Variants in SLC22A13 observed in about 807,000 individuals in gnomAD.
SLC22A13 encodes the protein organic anion transporter 10.
A neutral mutation model predicts 49.1 loss-of-function variants in SLC22A13; 42 were observed. That is an observed-to-expected ratio of 0.85 (90% CI 0.67 to 1.11). The LOEUF is 1.11. SLC22A13 is among the 50% of genes least tolerant of loss of function. The probability of loss-of-function intolerance (pLI) is 0.00; values close to 1 mark genes in which losing one functional copy is unlikely to be tolerated. For missense variants in SLC22A13, 694 were observed against 712.8 expected (o/e 0.97, Z 0.30); for synonymous variants, 282 against 293.1 (o/e 0.96, Z 0.39).
intron 1 of SLC22A13, among the ~76,000 whole-genome samples, chr3:38,272,921 C>T (rs750218483): frequency 1.3e-5 from 2 of 152,216 alleles, no homozygotes; most frequent in Non-Finnish European, 2.9e-5. Flanking sequence ...GATGTCTCAA[C>T]TCTACCAGCT....
chr3:38,276,297 G>C lies in SLC22A13; in HGVS notation c.1248G>C (p.Val416=). 1 of 1,612,722 alleles carries C rather than the reference G, an allele frequency of 6.2e-7. No homozygotes were observed. ...TCTACCCTCTGCCAGATCTGCCCGT[G>C]GTGGTCACCATGCTGGCTGTGGTGG... ...IIIFIPADLP[V]VVTMLAVVGK... The change falls in exon 8 of 10, where the codon GTG becomes GTC. Residue 416 remains valine, a synonymous_variant. Coordinates refer to ENST00000311856, the MANE Select transcript of SLC22A13 (RefSeq NM_004256.4).
At position 38,277,969 on chromosome 3, in the gene SLC22A13, G is replaced by A. The variant is rs1703606865; in HGVS notation, c.*504G>A. 6.5e-6 allele frequency: 1 copy of A among 152,848 alleles called. No individual in the cohort carries two copies. The highest frequency in any genetic ancestry group is 1.5e-5 in the Non-Finnish European group (1 of 68,554). 9.5% of individuals were successfully genotyped at this position (152,848 alleles called of 1,614,324 possible). ...AGGAAGGTTATGATTCCTTCTAGCG[G>A]ATGGACCAGATTCCTCTGGCTAACG... On this transcript the variant is annotated 3_prime_UTR_variant, in exon 10 of 10. Coordinates refer to ENST00000311856, the MANE Select transcript of SLC22A13 (RefSeq NM_004256.4).
rs1358445958 is a variant in SLC22A13, at chr3:38,278,735, G to T, written c.*1270G>T. Among the ~76,000 whole-genome samples, 2 of 149,768 alleles carry T rather than the reference G, an allele frequency of 1.3e-5. No individual in the cohort carries two copies. Among genetic ancestry groups the T allele is most frequent in the Non-Finnish European group, 2.9e-5 (2 of 67,814 alleles). ...CTTGGGAGGCTGAGGCAGGAGAATC[G>T]CTTGAACCTGGGAGGCGGAGTTTGC... On this transcript the variant is annotated 3_prime_UTR_variant, in exon 10 of 10. Coordinates refer to ENST00000311856, the MANE Select transcript of SLC22A13 (RefSeq NM_004256.4).
intron 1 of SLC22A13, among the ~76,000 whole-genome samples, chr3:38,267,763 G>C (rs565872964): frequency 2.6e-5 from 4 of 152,320 alleles, no homozygotes; most frequent in African/African-American, 9.6e-5. Flanking sequence ...GCTTCCTCCT[G>C]GTTCCGGGGG....
In SLC22A13 at chr3:38,277,456, A is replaced by G. The variant is rs200938977; in HGVS notation, c.1647A>G (p.Thr549=). 92 of 1,613,056 alleles carry G rather than the reference A, an allele frequency of 5.7e-5. No individual in the cohort carries two copies. The East Asian group carries it at 1.4e-3, about 24-fold the overall frequency. Reference sequence around the variant, plus strand: ...CGGGAGTGGCCTTTGTGAGCAGCACATACTTCTGATTGAGGTCTCTAAGAG... The same window carrying G: ...CGGGAGTGGCCTTTGTGAGCAGCACGTACTTCTGATTGAGGTCTCTAAGAG... ...SSPGVAFVSS[T]YF Residue 549 remains threonine, a synonymous_variant, in exon 10 of 10, where the codon ACA becomes ACG. Coordinates refer to ENST00000311856, the MANE Select transcript of SLC22A13 (RefSeq NM_004256.4).
At chr3:38,271,950 A>G (rs1251101637) in intron 1 of SLC22A13, among the ~76,000 whole-genome samples, 1 of 152,048 alleles carries the variant, frequency 6.6e-6, no homozygotes, top group African/African-American at 2.4e-5. Context: ...TGCAGACAGA[A>G]CCATCCACTG....
In SLC22A13 at chr3:38,266,255, G is replaced by T. The variant is rs1294737073; in HGVS notation, c.378+17G>T. The T allele has an allele frequency of 6.2e-7, 1 of 1,607,882 alleles. No homozygotes were observed. The highest frequency in any genetic ancestry group is 1.3e-5 in the African/African-American group (1 of 74,856). On this transcript the variant is annotated intron_variant, in intron 1 of 9. Transcript: ENST00000311856. ...AAGAATGAGGTAGGCTTGTCCTTTT[G>T]CTGGTCTCTCCACCGGTTGTGGGTC...
Position 38,277,577 on chromosome 3 carries a change from C to A in SLC22A13, c.*112C>A. 1.4e-6 allele frequency: 1 copy of A among 716,764 alleles called. No homozygotes were observed. The highest frequency in any genetic ancestry group is 2.3e-6 in the Non-Finnish European group (1 of 425,734). 44.4% of individuals were successfully genotyped at this position (716,764 alleles called of 1,614,324 possible). ...GCAAGACCAGCCTTGCTTATGGAGG[C>A]AGGACACCACAATCTGGCCCATGGC... On this transcript the variant is annotated 3_prime_UTR_variant, in exon 10 of 10. Coordinates refer to ENST00000311856, the MANE Select transcript of SLC22A13 (RefSeq NM_004256.4).
intron 1 of SLC22A13, among the ~76,000 whole-genome samples, chr3:38,270,062 G>T (rs1454553132): frequency 1.3e-5 from 2 of 151,864 alleles, no homozygotes; most frequent in Non-Finnish European, 2.9e-5. Flanking sequence ...ATTTTTTATG[G>T]CTGCATAGTA....
chr3:38,266,320 G>A, intron 1 of SLC22A13, 82 bp downstream of exon 1: 1 of 1,495,468 alleles, frequency 6.7e-7, no homozygotes, highest in Non-Finnish European at 9.2e-7. Flanking sequence ...TCAGTCACTG[G>A]CTCTGTATCT....
rs9822259 is a variant in SLC22A13, at chr3:38,266,130, C to G, written c.270C>G (p.Pro90=). Residue 90 remains proline (P), a synonymous_variant, in exon 1 of 10, where the codon CCC becomes CCG. Coordinates refer to ENST00000311856, the MANE Select transcript of SLC22A13 (RefSeq NM_004256.4). ...PEPCLMFRPP[P]ANASLQDILS... The stretch of plus-strand genomic sequence containing the variant: ...CCTGCCTCATGTTCCGGCCACCCCC[C>G]GCCAATGCCAGCCTGCAGGACATCC... The G allele has an allele frequency of 6.2e-7, 1 of 1,614,162 alleles. No homozygotes were observed. Among genetic ancestry groups the G allele is most frequent in the Non-Finnish European group, 8.5e-7 (1 of 1,180,038 alleles).
chr3:38,275,855 T>C, intron 6 of SLC22A13, 27 bp from the exon 7 acceptor site: 4 of 1,602,988 alleles, frequency 2.5e-6, no homozygotes, highest in Non-Finnish European at 3.4e-6. Context: ...CACCCAGCAG[T>C]GACAGGAACC....
At chr3:38,272,902 G>T (rs767387330) in intron 1 of SLC22A13, among the ~76,000 whole-genome samples, 33 of 152,036 alleles carry the variant, frequency 2.2e-4, no homozygotes, top group Non-Finnish European at 4.6e-4. Flanking sequence ...CCCTGTCTAG[G>T]GCAAGAGAGA....
intron 1 of SLC22A13, among the ~76,000 whole-genome samples, chr3:38,272,693 T>C (rs1393698541): frequency 6.6e-6 from 1 of 152,256 alleles, no homozygotes; most frequent in Non-Finnish European, 1.5e-5. Context: ...TTGATACATG[T>C]TGAAAGTTCT....
At chr3:38,277,288 C>G in intron 9 of SLC22A13, 84 bp from the exon 10 acceptor site, 1 of 1,217,278 alleles carries the variant, frequency 8.2e-7, no homozygotes, top group Non-Finnish European at 1.2e-6. Context: ...TTCAGATTCC[C>G]CTTACTTTGA....
intron 8 of SLC22A13, 147 bp from the exon 9 acceptor site, chr3:38,276,765 A>G: frequency 1.5e-6 from 1 of 689,318 alleles, no homozygotes; most frequent in Non-Finnish European, 2.5e-6. Context: ...AGGCAGGAGC[A>G]GAGAGCAGGA....
intron 1 of SLC22A13, 59 bp from the exon 2 acceptor site, chr3:38,274,213 G>T: frequency 8.1e-7 from 1 of 1,236,904 alleles, no homozygotes; most frequent in Non-Finnish European, 1.2e-6. Flanking sequence ...TGGGACAGGT[G>T]GTGTAGGGCT....
chr3:38,274,476 C>G (rs1703553883), intron 2 of SLC22A13, 101 bp downstream of exon 2: 1 of 1,421,006 alleles, frequency 7.0e-7, no homozygotes, highest in Non-Finnish European at 9.9e-7. Context: ...TTAGGCAAGG[C>G]CCTCTTCCCC....
chr3:38,274,545 C>T (rs1210999493), intron 2 of SLC22A13, 59 bp from the exon 3 acceptor site: 2 of 1,581,764 alleles, frequency 1.3e-6, no homozygotes, highest in Non-Finnish European at 1.7e-6. Flanking sequence ...CCCTTGCGGC[C>T]TTCTCCTCAG....
Sources: allele counts gnomAD v4.1 joint callset (sites outside exome capture counted in the v4.1 genomes callset), GRCh38; gene constraint gnomAD v4.1.1; transcripts MANE v1.5; gene names NCBI Gene and HGNC (gene_info 2026-07-23, HGNC 2026-07-21).